Variants in CEP112 observed in about 807,000 individuals in gnomAD.
The protein encoded by CEP112 is centrosomal protein 112.
CEP112 carries 127 observed loss-of-function variants against 153.0 expected under a neutral mutation model. The ratio of observed to expected loss-of-function variants is 0.83; its 90% CI spans 0.72 to 0.96. CEP112 has a LOEUF of 0.96. Among genes scored for constraint, CEP112 ranks in the 40% least tolerant of loss-of-function variants. The pLI is 0.00. For missense variants in CEP112, 1,089 were observed against 1,101.2 expected (o/e 0.99, Z 0.16); for synonymous variants, 358 against 374.4 (o/e 0.96, Z 0.51).
At chr17:66,189,003 C>G (rs1312407158) in intron 1 of CEP112, among the ~76,000 whole-genome samples, 1 of 152,156 alleles carries the variant, frequency 6.6e-6, no homozygotes, top group African/African-American at 2.4e-5. Flanking sequence ...TCCTCCTAAT[C>G]ACTAATTCTC....
chr17:65,839,040 C>T (rs1486083228), intron 21 of CEP112, among the ~76,000 whole-genome samples: 2 of 152,040 alleles, frequency 1.3e-5, no homozygotes, highest in East Asian at 3.8e-4. Flanking sequence ...AAACCCAGAA[C>T]CTGAGGGCTT....
intron 20 of CEP112, among the ~76,000 whole-genome samples, chr17:65,901,004 A>G (rs2059827404): frequency 6.6e-6 from 1 of 152,218 alleles, no homozygotes; most frequent in Admixed American, 6.5e-5. Flanking sequence ...TTCTCTGAAT[A>G]TAGAAGACAA....
At chr17:65,667,928 G>A (rs1309213360) in intron 24 of CEP112, among the ~76,000 whole-genome samples, 4 of 147,390 alleles carry the variant, frequency 2.7e-5, no homozygotes, top group African/African-American at 1.0e-4. Flanking sequence ...ACTGAGTCTC[G>A]CTGTGTCACC....
chr17:65,900,097 A>G (rs1010334334), intron 20 of CEP112, among the ~76,000 whole-genome samples: 4 of 152,208 alleles, frequency 2.6e-5, no homozygotes, highest in African/African-American at 9.6e-5. Context: ...ATAACCAAAG[A>G]TAAATACAAA....
chr17:65,679,753 T>C (rs1254034152), intron 24 of CEP112, among the ~76,000 whole-genome samples: 1 of 152,204 alleles, frequency 6.6e-6, no homozygotes, highest in Non-Finnish European at 1.5e-5. Flanking sequence ...TGCTATCCAC[T>C]GAAAGCTTTA....
intron 21 of CEP112, among the ~76,000 whole-genome samples, chr17:65,845,043 G>A (rs780471693): frequency 3.0e-4 from 46 of 152,234 alleles, no homozygotes; most frequent in Middle Eastern, 6.8e-3. Flanking sequence ...TCAAAGGCCG[G>A]ATGAGGTGGC....
chr17:65,697,091 AAT>A (rs1333582916), intron 23 of CEP112, among the ~76,000 whole-genome samples: 2 of 152,168 alleles, frequency 1.3e-5, no homozygotes, highest in Admixed American at 6.5e-5. Context: ...AATCCAATTC[AAT>A]GTTTATTTTT....
At chr17:66,028,270 T>C in intron 15 of CEP112, 43 bp downstream of exon 15, 2 of 1,197,730 alleles carry the variant, frequency 1.7e-6, no homozygotes, top group East Asian at 2.4e-5. Context: ...TCAAGAAAAC[T>C]GTGTTTGACC....
At chr17:65,984,644 A>C (rs2063339371) in intron 17 of CEP112, among the ~76,000 whole-genome samples, 1 of 152,212 alleles carries the variant, frequency 6.6e-6, no homozygotes, top group Admixed American at 6.5e-5. Flanking sequence ...AACTCTGCCT[A>C]ACACAAATTT....
intron 21 of CEP112, among the ~76,000 whole-genome samples, chr17:65,837,303 A>G (rs1446632732): frequency 2.4e-5 from 3 of 127,462 alleles, no homozygotes; most frequent in Non-Finnish European, 3.3e-5. Context: ...CCGGCCGCCC[A>G]GTCTGGAAAG....
intron 23 of CEP112, among the ~76,000 whole-genome samples, chr17:65,703,298 G>A (rs776173871): frequency 5.9e-5 from 9 of 152,008 alleles, no homozygotes; most frequent in Admixed American, 2.6e-4. Flanking sequence ...GGATCATGAG[G>A]TCAAGAGTTC....
At chr17:65,689,069 C>A in intron 24 of CEP112, 60 bp downstream of exon 24, 1 of 1,250,604 alleles carries the variant, frequency 8.0e-7, no homozygotes, top group Non-Finnish European at 1.2e-6. Context: ...CACCTGGCTG[C>A]ACACACTTCT....
intron 24 of CEP112, among the ~76,000 whole-genome samples, chr17:65,685,274 C>T (rs1045718696): frequency 7.2e-5 from 11 of 152,128 alleles, no homozygotes; most frequent in African/African-American, 2.2e-4. Context: ...TTTTACAATG[C>T]CTCATTCATT....
At chr17:66,154,771 A>G (rs2071365854) in intron 4 of CEP112, among the ~76,000 whole-genome samples, 1 of 152,168 alleles carries the variant, frequency 6.6e-6, no homozygotes, top group African/African-American at 2.4e-5. Flanking sequence ...TCAACTGACA[A>G]AACTATATTA....
chr17:66,107,347 C>T (rs2068828709), intron 6 of CEP112, among the ~76,000 whole-genome samples: 1 of 151,950 alleles, frequency 6.6e-6, no homozygotes, highest in African/African-American at 2.4e-5. Context: ...AGGAAGAAGT[C>T]AAATTATGCT....
chr17:65,895,247 C>A (rs973613411), intron 20 of CEP112, among the ~76,000 whole-genome samples: 1 of 151,974 alleles, frequency 6.6e-6, no homozygotes, highest in African/African-American at 2.4e-5. Flanking sequence ...AAATGTCATC[C>A]TCATAAGGTA....
At chr17:65,825,681 A>G (rs945934280) in intron 21 of CEP112, among the ~76,000 whole-genome samples, 5 of 152,164 alleles carry the variant, frequency 3.3e-5, no homozygotes, top group South Asian at 2.1e-4. Context: ...AAAAATAGTT[A>G]TCATAACTTA....
At chr17:65,807,989 T>C (rs562889881) in intron 21 of CEP112, among the ~76,000 whole-genome samples, 1 of 152,288 alleles carries the variant, frequency 6.6e-6, no homozygotes, top group Admixed American at 6.5e-5. Flanking sequence ...ACCTTGCATC[T>C]GAAAAAGCTG....
intron 23 of CEP112, among the ~76,000 whole-genome samples, chr17:65,701,656 T>C (rs974834355): frequency 6.6e-6 from 1 of 152,148 alleles, no homozygotes; most frequent in African/African-American, 2.4e-5. Flanking sequence ...CATCTCCAAC[T>C]GTCTCTCTTA....
Sources: gnomAD v4.1 joint callset for allele counts (sites outside exome capture counted in the v4.1 genomes callset) on GRCh38, gnomAD v4.1.1 for gene constraint, MANE v1.5 for transcripts, NCBI Gene and HGNC (gene_info 2026-07-23, HGNC 2026-07-21) for gene names.